The following RACGAP1 variants were observed in gnomAD, a reference collection of about 807,000 sequenced individuals.
The protein encoded by RACGAP1 is rac GTPase-activating protein 1.
RACGAP1 carries 30 observed loss-of-function variants against 78.1 expected under a neutral mutation model. That is an observed-to-expected ratio of 0.38 (90% CI 0.29 to 0.52). The LOEUF is 0.52. RACGAP1 is among the 20% of genes least tolerant of loss of function. The probability of loss-of-function intolerance (pLI) is 0.82; values close to 1 mark genes in which losing one functional copy is unlikely to be tolerated. For missense variants in RACGAP1, 587 were observed against 777.1 expected (o/e 0.76, Z 2.91); for synonymous variants, 231 against 264.8 (o/e 0.87, Z 1.24).
At chr12:50,030,925 G>A (rs369399028) in intron 2 of RACGAP1, among the ~76,000 whole-genome samples, 3 of 150,510 alleles carry the variant, frequency 2.0e-5, no homozygotes, top group East Asian at 2.1e-4. Flanking sequence ...GATTACAGGC[G>A]CCCACCACCA....
chr12:50,021,388 G>A (rs921123703), intron 1 of RACGAP1, among the ~76,000 whole-genome samples: 1 of 152,192 alleles, frequency 6.6e-6, no homozygotes, highest in Non-Finnish European at 1.5e-5. Flanking sequence ...CCCCAGAGGT[G>A]GAGAAGTCAG....
intron 9 of RACGAP1, 68 bp from the exon 10 acceptor site, chr12:49,997,272 C>A (rs1250105994): frequency 4.3e-6 from 5 of 1,159,960 alleles, no homozygotes; most frequent in Non-Finnish European, 4.3e-6. Context: ...AATCAACTAA[C>A]TTTTTTTTTT....
At chr12:50,009,969 A>AG (rs1325385219) in intron 2 of RACGAP1, among the ~76,000 whole-genome samples, 1 of 152,240 alleles carries the variant, frequency 6.6e-6, no homozygotes, top group East Asian at 1.9e-4. Flanking sequence ...CTGTTTCATG[A>AG]GAAAAAAATC....
intron 2 of RACGAP1, among the ~76,000 whole-genome samples, chr12:50,014,225 G>A (rs574129441): frequency 6.6e-5 from 10 of 152,304 alleles, no homozygotes; most frequent in South Asian, 4.1e-4. Flanking sequence ...TACTAAATTA[G>A]GTATTAATGA....
chr12:50,016,392 A>G (rs1304604585), intron 2 of RACGAP1, among the ~76,000 whole-genome samples: 4 of 152,178 alleles, frequency 2.6e-5, no homozygotes, highest in African/African-American at 7.2e-5. Flanking sequence ...AAAAAAATAA[A>G]TAAATAAAGA....
chr12:50,031,578 G>A (rs773855071), intron 2 of RACGAP1: 7 of 556,570 alleles, frequency 1.3e-5, no homozygotes, highest in Non-Finnish European at 1.6e-5. Context: ...CTCGTTTGCA[G>A]TTCCTCCACG....
rs554279651 is a variant in RACGAP1, at chr12:50,012,893, G to A, written c.85+3738C>T. 4.2e-3 allele frequency among the ~76,000 whole-genome samples: 629 copies of A among 151,094 alleles called. 5 individuals are homozygous for A. The highest frequency in any genetic ancestry group is 0.014 in the African/African-American group (590 of 41,130). On this transcript the variant is annotated intron_variant, in intron 2 of 16. Transcript: ENST00000312377. ...AGCCTGACCAACATGGAGAAACCCC[G>A]TCTCTACTAAAAATACAAAATTAGC...
At chr12:49,997,764 G>A (rs1020008891) in intron 9 of RACGAP1, among the ~76,000 whole-genome samples, 2 of 151,792 alleles carry the variant, frequency 1.3e-5, no homozygotes, top group Admixed American at 1.3e-4. Flanking sequence ...TGTTAGTAGA[G>A]ACGGGGTTTC....
In RACGAP1 at chr12:49,992,628, G is replaced by C. The variant is rs1457636953; in HGVS notation, c.1367C>G (p.Ala456Gly). The C allele has an allele frequency of 1.9e-6, 3 of 1,613,548 alleles. No individual in the cohort carries two copies. The highest frequency in any genetic ancestry group is 2.5e-6 in the Non-Finnish European group (3 of 1,179,898). ...TTCACCAACAGCTTGGTACATGGCA[G>C]CTATGCTGTTGTCTTCATCTGTGAT... ...AEITDEDNSI[A>G]AMYQAVGELP... The change falls in exon 13 of 17, where the codon GCT becomes GGT. Residue 456 changes from alanine (A) to glycine (G), a missense_variant. Transcript: ENST00000312377.
In RACGAP1 at chr12:49,992,566, T is replaced by C; in HGVS notation, c.1429A>G (p.Met477Val). The C allele has an allele frequency of 6.2e-7, 1 of 1,612,950 alleles. No individual in the cohort carries two copies. Reference protein sequence around the residue: ...QANRDTLAFLMIHLQRVAQSP... With the variant: ...QANRDTLAFLVIHLQRVAQSP... ...TGTACTCACCTCTGCAAGTGAATCA[T>C]GAGGAAAGCTAATGTGTCCCTGTTG... is the stretch of plus-strand genomic sequence containing the variant. Residue 477 changes from methionine (M) to valine (V), a missense_variant, in exon 13 of 17, where the codon ATG becomes GTG. Physicochemically the swap from Met to Val is conservative, Grantham distance 21. Transcript: ENST00000312377.
At chr12:50,011,241 G>T (rs1194796067) in intron 2 of RACGAP1, among the ~76,000 whole-genome samples, 1 of 151,326 alleles carries the variant, frequency 6.6e-6, no homozygotes, top group African/African-American at 2.4e-5. Flanking sequence ...GGCTGAGGCA[G>T]GAGGATCACT....
chr12:50,025,559 C>T (rs149142884), upstream of RACGAP1: 4 of 984,768 alleles, frequency 4.1e-6, no homozygotes, highest in Admixed American at 6.1e-5. Context: ...GTGACGTACG[C>T]GTCAGGGCCA....
At chr12:49,994,365 C>T (rs540667321) in intron 11 of RACGAP1, 36 bp from the exon 12 acceptor site, 7 of 1,612,752 alleles carry the variant, frequency 4.3e-6, no homozygotes, top group East Asian at 2.2e-5. Context: ...TAAAAACCTC[C>T]GAATTAACAC....
chr12:50,010,771 A>G (rs1949273648), intron 2 of RACGAP1, among the ~76,000 whole-genome samples: 1 of 151,594 alleles, frequency 6.6e-6, no homozygotes, highest in South Asian at 2.1e-4. Flanking sequence ...CACCTCTACT[A>G]AAAATACAAA....
chr12:50,030,329 A>C (rs1950320280), upstream of RACGAP1, among the ~76,000 whole-genome samples: 1 of 148,212 alleles, frequency 6.7e-6, no homozygotes, highest in African/African-American at 2.6e-5. Flanking sequence ...AGCCTGAGTG[A>C]CAGAGCAAGA....
intron 15 of RACGAP1, among the ~76,000 whole-genome samples, chr12:49,991,456 A>AC (rs1288270771): frequency 4.3e-4 from 15 of 34,532 alleles, no homozygotes; most frequent in Non-Finnish European, 1.1e-3. Flanking sequence ...TATTTAAACT[A>AC]TTATATATAT....
At chr12:49,992,704 C>T (rs1311115058) in intron 12 of RACGAP1, 49 bp from the exon 13 acceptor site, 1 of 1,459,528 alleles carries the variant, frequency 6.9e-7, no homozygotes, top group Non-Finnish European at 9.5e-7. Context: ...TTTCCCTTGA[C>T]AGCGGGCTTC....
At chr12:50,011,112 G>A (rs1949296382) in intron 2 of RACGAP1, among the ~76,000 whole-genome samples, 1 of 152,034 alleles carries the variant, frequency 6.6e-6, no homozygotes, top group African/African-American at 2.4e-5. Context: ...CAAGGCAGGT[G>A]GATCACTTGA....
chr12:50,019,434 A>G (rs953911754), intron 1 of RACGAP1, among the ~76,000 whole-genome samples: 6 of 152,208 alleles, frequency 3.9e-5, no homozygotes, highest in African/African-American at 1.2e-4. Context: ...AAAAATTGAT[A>G]AGTGTTAATT....
Sources: gnomAD v4.1 joint callset for allele counts (sites outside exome capture counted in the v4.1 genomes callset) on GRCh38, gnomAD v4.1.1 for gene constraint, MANE v1.5 for transcripts, NCBI Gene and HGNC (gene_info 2026-07-23, HGNC 2026-07-21) for gene names.